Variants in GALNT15 observed in about 807,000 individuals in gnomAD.
GALNT15 encodes polypeptide N-acetylgalactosaminyltransferase 15, also known as UDP-GalNAc transferase T15.
Under a neutral mutation model 66.8 loss-of-function variants are expected in GALNT15, and 67 were observed. The observed-to-expected ratio is 1.00, with a 90% CI of 0.82 to 1.23. GALNT15 has a LOEUF of 1.23. Ranked by LOEUF, GALNT15 falls within the 50% of genes most tolerant of loss-of-function variation. The pLI is 0.00. For synonymous variants in GALNT15, 313 were observed against 311.5 expected, an observed-to-expected ratio of 1.00 and a Z score of -0.05; for missense variants, 827 against 804.3, an observed-to-expected ratio of 1.03 and a Z score of -0.34.
the GALNT15 span, among the ~76,000 whole-genome samples, chr3:16,238,990 C>T: frequency 6.6e-6 from 1 of 152,168 alleles, no homozygotes; most frequent in South Asian, 2.1e-4. The surrounding 1 kb of genome is among the most constrained non-coding windows in gnomAD (Gnocchi z 4.8). Context: ...TTTTAAACTT[C>T]CACTCACCAT....
At chr3:16,206,044 C>A (rs1240547371) in intron 3 of GALNT15, among the ~76,000 whole-genome samples, 1 of 152,156 alleles carries the variant, frequency 6.6e-6, no homozygotes. Context: ...TTAGAATTCT[C>A]ATTTTCTAAT....
chr3:16,244,318 A>C, the GALNT15 span, among the ~76,000 whole-genome samples: 765 of 152,310 alleles, frequency 5.0e-3, 4 homozygotes, highest in Non-Finnish European at 8.1e-3. Flanking sequence ...CTCAGATAAC[A>C]TTCCTGGCAC....
At chr3:16,232,341 G>A (rs2064089348), downstream of GALNT15, among the ~76,000 whole-genome samples, 1 of 151,218 alleles carries the variant, frequency 6.6e-6, no homozygotes, top group African/African-American at 2.4e-5. Flanking sequence ...CAAGACAGGA[G>A]GATCGCTTGA....
chr3:16,208,705 C>A (rs1382677647), intron 4 of GALNT15, 35 bp downstream of exon 4: 1 of 1,604,442 alleles, frequency 6.2e-7, no homozygotes, highest in African/African-American at 1.3e-5. Context: ...TTGCCATTGC[C>A]TCCTCAGGAT....
downstream of GALNT15, chr3:16,231,810 C>T (rs564380919): frequency 4.6e-6 from 7 of 1,536,342 alleles, no homozygotes; most frequent in African/African-American, 8.2e-5. This position sits in a 1 kb window ranked among gnomAD's most constrained non-coding sequence, Gnocchi z 4.1. Context: ...ACAGGGCCAA[C>T]TCTGCTGCTG....
chr3:16,217,461 A>G (rs2124895260), intron 6 of GALNT15, among the ~76,000 whole-genome samples: 1 of 152,262 alleles, frequency 6.6e-6, no homozygotes. Flanking sequence ...TGACATTCCT[A>G]CTTCCCTGAA....
Position 16,191,457 on chromosome 3 carries a change from G to A in GALNT15, c.540-4303G>A, listed in dbSNP as rs1029855113. On this transcript the variant is annotated intron_variant, in intron 1 of 9. Coordinates refer to ENST00000339732, the MANE Select transcript of GALNT15 (RefSeq NM_054110.5). The surrounding 1 kb of genome is among the most constrained non-coding windows in gnomAD (Gnocchi z 5.2). ...CAAATCCCAAAAAGTGGGCCCTACG[G>A]CTACCTTTCTGAGGAAACCAAGGCA... 1.4e-5 allele frequency: 7 copies of A among 503,976 alleles called. No homozygotes were observed. The highest frequency in any genetic ancestry group is 1.8e-5 in the Non-Finnish European group (7 of 389,770). The allele number at this position is 503,976 out of a possible 1,614,324, so 31.2% of individuals were successfully genotyped here. A position where few individuals can be genotyped will look rare whatever the true frequency, so the allele number is the denominator to read the frequency against.
chr3:16,232,783 TC>T (rs1174003947), downstream of GALNT15, among the ~76,000 whole-genome samples: 1 of 151,680 alleles, frequency 6.6e-6, no homozygotes, highest in Non-Finnish European at 1.5e-5. Flanking sequence ...AATTCAGTGC[TC>T]CTCAAATTTT....
intron 6 of GALNT15, among the ~76,000 whole-genome samples, chr3:16,217,088 C>T (rs1265886459): frequency 6.6e-6 from 1 of 152,236 alleles, no homozygotes; most frequent in African/African-American, 2.4e-5. Context: ...ATAAAACACT[C>T]TGACCTCTTA....
intron 1 of GALNT15, among the ~76,000 whole-genome samples, chr3:16,177,778 C>G (rs1487764971): frequency 6.6e-6 from 1 of 152,080 alleles, no homozygotes; most frequent in African/African-American, 2.4e-5. Context: ...AACTGTGTTT[C>G]TTGTGTATGA....
In GALNT15 at chr3:16,191,413, C is replaced by T. The variant is rs899563164; in HGVS notation, c.540-4347C>T. 1.2e-6 allele frequency: 1 copy of T among 838,892 alleles called. No individual in the cohort carries two copies. Among genetic ancestry groups the T allele is most frequent in the African/African-American group, 1.8e-5 (1 of 54,390 alleles). 52.0% of individuals were successfully genotyped at this position (838,892 alleles called of 1,614,324 possible). On this transcript the variant is annotated intron_variant, in intron 1 of 9. Transcript: ENST00000339732. The surrounding 1 kb of genome is among the most constrained non-coding windows in gnomAD (Gnocchi z 5.2). ...ACTGTTCTTGGTGCTTTATAAAGATCATTTCATCTCCACAACAGCAAATCC... is the reference window on the plus strand; with the variant it reads ...ACTGTTCTTGGTGCTTTATAAAGATTATTTCATCTCCACAACAGCAAATCC...
chr3:16,201,764 G>A (rs1025561774), intron 3 of GALNT15, among the ~76,000 whole-genome samples: 2 of 152,098 alleles, frequency 1.3e-5, no homozygotes, highest in Admixed American at 6.5e-5. Flanking sequence ...CCATCTGACC[G>A]TCAATCTCTT....
At chr3:16,236,637 A>C (rs967647790), downstream of GALNT15, among the ~76,000 whole-genome samples, 5 of 152,260 alleles carry the variant, frequency 3.3e-5, no homozygotes, top group African/African-American at 1.2e-4. Flanking sequence ...TCTGTTATAC[A>C]TAACAGAACA....
rs1248808079 is a variant in GALNT15 at position 16,187,526 on chromosome 3, T to C, written c.540-8234T>C. ...ATTAGGCTACGTTGGTTTCATTACATGGCATCTCATGACAGCAAGTGGAAG... is the reference window on the plus strand; with the variant it reads ...ATTAGGCTACGTTGGTTTCATTACACGGCATCTCATGACAGCAAGTGGAAG... On this transcript the variant is annotated intron_variant, in intron 1 of 9. Transcript: ENST00000339732. The surrounding 1 kb of genome is among the most constrained non-coding windows in gnomAD (Gnocchi z 5.1). Among the ~76,000 whole-genome samples, 1 of 152,292 alleles carries C rather than the reference T, an allele frequency of 6.6e-6. No homozygotes were observed.
chr3:16,244,016 A>G, the GALNT15 span: 3 of 985,342 alleles, frequency 3.0e-6, no homozygotes, highest in Non-Finnish European at 3.6e-6. Context: ...CTCATAAGAC[A>G]CAGGCTCTGC....
In GALNT15 at chr3:16,175,549, G is replaced by A. The variant is rs144538253; in HGVS notation, c.398G>A (p.Arg133Lys). The A allele has an allele frequency of 9.9e-6, 16 of 1,613,954 alleles. No individual in the cohort carries two copies. Among genetic ancestry groups the A allele is most frequent in the African/African-American group, 2.7e-5 (2 of 74,934 alleles). The change falls in exon 1 of 10, where the codon AGG becomes AAG. Residue 133 changes from arginine to lysine, a missense_variant. Coordinates refer to ENST00000339732, the MANE Select transcript of GALNT15 (RefSeq NM_054110.5). The surrounding 1 kb of genome is among the most constrained non-coding windows in gnomAD (Gnocchi z 5.6). The stretch of plus-strand genomic sequence containing the variant: ...AGGCAGGATAAGGAAGCCCCAAAGA[G>A]GGACTGGGGGGCTGATGAGGACGGG... ...PRRQDKEAPK[R>K]DWGADEDGEV...
Position 16,193,882 on chromosome 3 carries a change from T to G in GALNT15, c.540-1878T>G, listed in dbSNP as rs1414947103. The stretch of plus-strand genomic sequence containing the variant: ...CAGAAACACACGTTAAGAAAGTGCC[T>G]TTTGTAAGCAAGTGTGAGCTATATA... On this transcript the variant is annotated intron_variant, in intron 1 of 9. Coordinates refer to ENST00000339732, the MANE Select transcript of GALNT15 (RefSeq NM_054110.5). This position sits in a 1 kb window ranked among gnomAD's most constrained non-coding sequence, Gnocchi z 4.7. Among the ~76,000 whole-genome samples, 2 of 152,214 alleles carry G rather than the reference T, an allele frequency of 1.3e-5. No homozygotes were observed. Among genetic ancestry groups the G allele is most frequent in the Non-Finnish European group, 2.9e-5 (2 of 68,048 alleles).
At chr3:16,241,631 C>T in the GALNT15 span, among the ~76,000 whole-genome samples, 1 of 152,172 alleles carries the variant, frequency 6.6e-6, no homozygotes, top group South Asian at 2.1e-4. The surrounding 1 kb of genome is among the most constrained non-coding windows in gnomAD (Gnocchi z 4.6). Context: ...TCACTGCAAC[C>T]TCTGCCTCCT....
Position 16,200,694 on chromosome 3 carries a change from T to G in GALNT15, c.782T>G (p.Leu261Arg). 1 of 1,610,960 alleles carries G rather than the reference T, an allele frequency of 6.2e-7. No homozygotes were observed. Residue 261 changes from leucine (L) to arginine (R), a missense_variant, in exon 3 of 10, where the codon CTG becomes CGG. Leu to Arg is a moderately radical substitution (Grantham distance 102). Transcript: ENST00000339732. This position sits in a 1 kb window ranked among gnomAD's most constrained non-coding sequence, Gnocchi z 4.4. The stretch of plus-strand genomic sequence containing the variant: ...AAGTTACTCAGGAGCAACAAGAGGC[T>G]GGGTGCCATCAGGGCCCGGATGCTG... ...GVKLLRSNKR[L>R]GAIRARMLGA...
Sources: allele counts gnomAD v4.1 joint callset (sites outside exome capture counted in the v4.1 genomes callset), GRCh38; gene constraint gnomAD v4.1.1; non-coding constraint Gnocchi (gnomAD v3.1); transcripts MANE v1.5; gene names NCBI Gene and HGNC (gene_info 2026-07-23, HGNC 2026-07-21).